The following SORCS2 variants were observed in gnomAD, a reference collection of about 807,000 sequenced individuals.
The protein encoded by SORCS2 is sortilin related VPS10 domain containing receptor 2, also known as VPS10 domain-containing receptor SorCS2.
Under a neutral mutation model 141.6 loss-of-function variants are expected in SORCS2, and 100 were observed. That is an observed-to-expected ratio of 0.71 (90% CI 0.60 to 0.83). The LOEUF is 0.83. Among genes scored for constraint, SORCS2 ranks in the 40% least tolerant of loss-of-function variants. The pLI is 0.00. For synonymous variants in SORCS2, 789 were observed against 676.9 expected (o/e 1.17, Z -2.57); for missense variants, 1,646 against 1,560.2 (o/e 1.05, Z -0.93).
chr4:7,638,426 C>T lies in SORCS2; in HGVS notation c.747C>T (p.Phe249=), dbSNP rs981960074. ...ATFQKQPIPF[F]VETLIFHPKE... ...TTCAGAAGCAGCCCATTCCCTTCTT[C>T]GTGGAAACTCTGATTTTCCACCCTA... Residue 249 remains phenylalanine, a synonymous_variant, in exon 4 of 27, where the codon TTC becomes TTT. Coordinates refer to ENST00000507866, the MANE Select transcript of SORCS2 (RefSeq NM_020777.3). The T allele has an allele frequency of 1.8e-5, 29 of 1,605,510 alleles. No homozygotes were observed. The East Asian group carries it at 2.9e-4, about 16-fold the overall frequency.
chr4:7,494,102 T>G (rs1439750382), intron 2 of SORCS2, among the ~76,000 whole-genome samples: 1 of 152,180 alleles, frequency 6.6e-6, no homozygotes, highest in Non-Finnish European at 1.5e-5. Flanking sequence ...GATGCATGGA[T>G]GCACGTGAGT....
At chr4:7,605,077 C>T (rs1302096041) in intron 3 of SORCS2, among the ~76,000 whole-genome samples, 1 of 152,206 alleles carries the variant, frequency 6.6e-6, no homozygotes, top group African/African-American at 2.4e-5. Flanking sequence ...TGGAGGAGGT[C>T]AGCATGGGAC....
intron 1 of SORCS2, among the ~76,000 whole-genome samples, chr4:7,274,357 C>T (rs191208841): frequency 1.6e-3 from 242 of 152,332 alleles, no homozygotes; most frequent in Non-Finnish European, 3.0e-3. Flanking sequence ...AAGGAAATGC[C>T]TGAGGCTGGG....
chr4:7,534,228 C>A (rs553644464), intron 3 of SORCS2, among the ~76,000 whole-genome samples: 4 of 152,318 alleles, frequency 2.6e-5, no homozygotes, highest in African/African-American at 9.6e-5. Context: ...GACACTGTAG[C>A]CGCATCAGGT....
intron 1 of SORCS2, among the ~76,000 whole-genome samples, chr4:7,260,354 C>T (rs1445641841): frequency 6.6e-6 from 1 of 152,150 alleles, no homozygotes; most frequent in Admixed American, 6.5e-5. Context: ...TGCCTGGGCT[C>T]CTCTATCTGC....
In SORCS2 at chr4:7,741,085, C is replaced by T. The variant is rs913072301; in HGVS notation, c.*821C>T. 4.5e-5 allele frequency: 18 copies of T among 398,628 alleles called. No individual in the cohort carries two copies. The highest frequency in any genetic ancestry group is 2.2e-4 in the Admixed American group (5 of 22,718). The allele number at this position is 398,628 out of a possible 1,614,324, so 24.7% of individuals were successfully genotyped here. A position where few individuals can be genotyped will look rare whatever the true frequency, so the allele number is the denominator to read the frequency against. Reference sequence around the variant, plus strand: ...GCAGCACCATCCCGCAGGCTTCTCCCACCTGATGGCTGTTCTCCCACCGGG... The same window carrying T: ...GCAGCACCATCCCGCAGGCTTCTCCTACCTGATGGCTGTTCTCCCACCGGG... On this transcript the variant is annotated 3_prime_UTR_variant, in exon 27 of 27. Coordinates refer to ENST00000507866, the MANE Select transcript of SORCS2 (RefSeq NM_020777.3).
intron 3 of SORCS2, among the ~76,000 whole-genome samples, chr4:7,572,021 G>T (rs1023297312): frequency 6.6e-6 from 1 of 152,122 alleles, no homozygotes; most frequent in African/African-American, 2.4e-5. Context: ...TCTGTGCTTT[G>T]CCCCTACGTA....
intron 14 of SORCS2, among the ~76,000 whole-genome samples, chr4:7,710,059 A>G (rs1725723163): frequency 1.3e-5 from 2 of 152,342 alleles, no homozygotes; most frequent in South Asian, 4.1e-4. Flanking sequence ...CATAAAAGGC[A>G]GGGCTTCAGG....
At chr4:7,490,981 C>T (rs543747951) in intron 2 of SORCS2, among the ~76,000 whole-genome samples, 28 of 152,298 alleles carry the variant, frequency 1.8e-4, no homozygotes, top group Admixed American at 2.0e-4. Context: ...AGCTGCCCAG[C>T]GGCTGGTCTC....
intron 3 of SORCS2, among the ~76,000 whole-genome samples, chr4:7,539,970 C>T (rs1445991102): frequency 6.7e-5 from 10 of 149,698 alleles, no homozygotes; most frequent in East Asian, 2.0e-4. Flanking sequence ...GTGATGGCAC[C>T]GCCCCTTCCT....
intron 1 of SORCS2, among the ~76,000 whole-genome samples, chr4:7,259,368 A>C (rs1201292316): frequency 1.3e-5 from 2 of 152,232 alleles, no homozygotes; most frequent in Non-Finnish European, 2.9e-5. Context: ...GGATCTCCTC[A>C]GAACCCACAT....
intron 2 of SORCS2, among the ~76,000 whole-genome samples, chr4:7,497,855 G>A (rs1335112753): frequency 6.6e-6 from 1 of 152,270 alleles, no homozygotes; most frequent in Non-Finnish European, 1.5e-5. Flanking sequence ...CGAAGGCAGA[G>A]GACCAGCAGG....
chr4:7,698,336 G>A (rs1332359041), intron 12 of SORCS2, among the ~76,000 whole-genome samples: 1 of 152,230 alleles, frequency 6.6e-6, no homozygotes, highest in East Asian at 1.9e-4. Flanking sequence ...GCAATGCTCT[G>A]GGCACACGTG....
intron 12 of SORCS2, 38 bp downstream of exon 12, chr4:7,697,312 A>G: frequency 2.0e-6 from 3 of 1,520,980 alleles, no homozygotes; most frequent in Non-Finnish European, 2.7e-6. Flanking sequence ...CCCCCACCCC[A>G]TCCAGCCGGG....
intron 3 of SORCS2, among the ~76,000 whole-genome samples, chr4:7,608,267 T>C (rs1258586307): frequency 2.6e-5 from 4 of 152,142 alleles, no homozygotes; most frequent in Non-Finnish European, 5.9e-5. Flanking sequence ...AATGATAAGG[T>C]TCAATTGCCA....
At chr4:7,386,163 A>T (rs1033148901) in intron 1 of SORCS2, among the ~76,000 whole-genome samples, 1 of 150,084 alleles carries the variant, frequency 6.7e-6, no homozygotes, top group Non-Finnish European at 1.5e-5. Flanking sequence ...GTACACAGAG[A>T]TACACATGCG....
intron 1 of SORCS2, among the ~76,000 whole-genome samples, chr4:7,214,694 AC>A (rs958012830): frequency 7.2e-5 from 11 of 152,104 alleles, no homozygotes; most frequent in Non-Finnish European, 1.5e-4. Flanking sequence ...TGGGAGGCTC[AC>A]CCCTTGTAGA....
At chr4:7,540,255 T>G (rs1028852193) in intron 3 of SORCS2, among the ~76,000 whole-genome samples, 1 of 148,664 alleles carries the variant, frequency 6.7e-6, no homozygotes, top group African/African-American at 2.5e-5. Context: ...TCCTGCCAAC[T>G]GCTGACCTCT....
intron 2 of SORCS2, among the ~76,000 whole-genome samples, chr4:7,405,369 AT>A (rs1375659950): frequency 1.3e-5 from 2 of 151,704 alleles, no homozygotes; most frequent in Non-Finnish European, 2.9e-5. Context: ...ATTTAGGGTT[AT>A]TTTTTCCAAT....
Sources: allele counts gnomAD v4.1 joint callset (sites outside exome capture counted in the v4.1 genomes callset), GRCh38; gene constraint gnomAD v4.1.1; transcripts MANE v1.5; gene names NCBI Gene and HGNC (gene_info 2026-07-23, HGNC 2026-07-21).